Variants in TASOR observed in about 807,000 individuals in gnomAD.
TASOR encodes protein TASOR.
TASOR carries 53 observed loss-of-function variants against 178.6 expected under a neutral mutation model. The ratio of observed to expected loss-of-function variants is 0.30; its 90% CI spans 0.24 to 0.37. The LOEUF is 0.37. TASOR is among the 10% of genes least tolerant of loss of function. The probability of loss-of-function intolerance (pLI) is 1.00; values close to 1 mark genes in which losing one functional copy is unlikely to be tolerated. For missense variants in TASOR, 1,815 were observed against 1,971.4 expected (o/e 0.92, Z 1.50); for synonymous variants, 713 against 696.2 (o/e 1.02, Z -0.38).
At chr3:56,640,818 CAT>C (rs2077105798) in intron 15 of TASOR, among the ~76,000 whole-genome samples, 1 of 152,184 alleles carries the variant, frequency 6.6e-6, no homozygotes, top group African/African-American at 2.4e-5. Flanking sequence ...GCACTCTGAA[CAT>C]ATATCATAAA....
chr3:56,662,586 A>C, intron 8 of TASOR, 96 bp from the exon 9 acceptor site: 1 of 572,556 alleles, frequency 1.7e-6, no homozygotes, highest in South Asian at 2.6e-5. Context: ...ATATCTAGAA[A>C]CAAGGTTTAA....
At chr3:56,678,925 T>A (rs540219287) in intron 1 of TASOR, among the ~76,000 whole-genome samples, 8 of 148,682 alleles carry the variant, frequency 5.4e-5, no homozygotes, top group African/African-American at 2.0e-4. Flanking sequence ...GGAAGGAGAA[T>A]CCTTTGAACC....
In TASOR at chr3:56,639,996, A is replaced by T. The variant is rs1445234936; in HGVS notation, c.2754T>A (p.Ile918=). The T allele has an allele frequency of 6.2e-7, 1 of 1,604,278 alleles. No homozygotes were observed. The highest frequency in any genetic ancestry group is 1.7e-5 in the Admixed American group (1 of 58,152). The change falls in exon 16 of 24, where the codon ATT becomes ATA. Residue 918 remains isoleucine (I), a synonymous_variant. Transcript: ENST00000683822. ...VEETEIHWKL[I]PITGGNARSP... ...GTATACTTTTCTTACCTGTAATTGG[A>T]ATCAGTTTCCAATGTATTTCAGTCT...
chr3:56,674,492 G>A (rs1217216630), intron 1 of TASOR, among the ~76,000 whole-genome samples: 1 of 152,038 alleles, frequency 6.6e-6, no homozygotes, highest in Non-Finnish European at 1.5e-5. Flanking sequence ...CTGGGAGTGA[G>A]AGAGAGACCC....
chr3:56,665,379 G>C (rs1007210520), intron 7 of TASOR, among the ~76,000 whole-genome samples: 3 of 151,904 alleles, frequency 2.0e-5, no homozygotes, highest in African/African-American at 7.2e-5. Context: ...AAATACAGAC[G>C]AAGTCTTGCT....
At chr3:56,631,829 C>T (rs551133781) in intron 18 of TASOR, among the ~76,000 whole-genome samples, 2 of 152,108 alleles carry the variant, frequency 1.3e-5, no homozygotes, top group South Asian at 4.1e-4. Context: ...GTGATCCACC[C>T]GTCTTGGCCT....
At position 56,620,240 on chromosome 3, in the gene TASOR, A is replaced by T. The variant is rs1352437589; in HGVS notation, c.*2797T>A. On this transcript the variant is annotated 3_prime_UTR_variant, in exon 24 of 24. Transcript: ENST00000683822. ...AGTTATGCTTTAACAAATTCTTAGCAATGTGGCCCACGCTTTTTAAAAAAT... is the reference window on the plus strand; with the variant it reads ...AGTTATGCTTTAACAAATTCTTAGCTATGTGGCCCACGCTTTTTAAAAAAT... 1 of 162,478 alleles carries T rather than the reference A, an allele frequency of 6.2e-6. No individual in the cohort carries two copies. The highest frequency in any genetic ancestry group is 2.4e-5 in the African/African-American group (1 of 41,726). 10.1% of individuals were successfully genotyped at this position (162,478 alleles called of 1,614,324 possible).
At chr3:56,634,030 C>T (rs76966032) in intron 17 of TASOR, 64 bp from the exon 18 acceptor site, 20,712 of 1,327,460 alleles carry the variant, frequency 0.016, 262 homozygotes, top group African/African-American at 0.06. Flanking sequence ...AAACACAAAC[C>T]CTTAAATTGG....
intron 2 of TASOR, among the ~76,000 whole-genome samples, chr3:56,673,158 A>AT (rs1191491817): frequency 2.6e-5 from 4 of 152,184 alleles, no homozygotes; most frequent in African/African-American, 9.7e-5. Context: ...TACACTTAAG[A>AT]TTTTCAGTTA....
At chr3:56,660,149 C>T (rs1045421263) in intron 11 of TASOR, among the ~76,000 whole-genome samples, 6 of 151,972 alleles carry the variant, frequency 3.9e-5, no homozygotes, top group Admixed American at 1.3e-4. Context: ...GCGTGAGCCA[C>T]CAACGCCCGG....
rs2076718441 is a variant in TASOR at position 56,622,907 on chromosome 3, A to G, written c.*130T>C. The stretch of plus-strand genomic sequence containing the variant: ...TCAATTTTTAGATGCTTCAACTGTT[A>G]CAGGCCATCATGATTTAAATAAAAG... On this transcript the variant is annotated 3_prime_UTR_variant, in exon 24 of 24. Transcript: ENST00000683822. 1.9e-6 allele frequency: 1 copy of G among 530,710 alleles called. No homozygotes were observed. The highest frequency in any genetic ancestry group is 3.8e-5 in the Admixed American group (1 of 26,422). 32.9% of individuals were successfully genotyped at this position (530,710 alleles called of 1,614,324 possible).
chr3:56,636,337 A>G (rs1216591475), intron 17 of TASOR, among the ~76,000 whole-genome samples: 1 of 152,062 alleles, frequency 6.6e-6, no homozygotes. Context: ...ATCTTCATCT[A>G]TAAGTGATTG....
chr3:56,641,927 C>T (rs781305821), intron 14 of TASOR, among the ~76,000 whole-genome samples, 175 bp from the exon 15 acceptor site: 22 of 152,198 alleles, frequency 1.4e-4, no homozygotes, highest in Non-Finnish European at 2.6e-4. Context: ...AAATTTTGCA[C>T]ATAGTTCAAA....
rs977602993 is a variant in TASOR at position 56,620,874 on chromosome 3, C to T, written c.*2163G>A. 8 of 152,774 alleles carry T rather than the reference C, an allele frequency of 5.2e-5. No individual in the cohort carries two copies. Among genetic ancestry groups the T allele is most frequent in the African/African-American group, 1.4e-4 (6 of 41,550 alleles). The allele number at this position is 152,774 out of a possible 1,614,324, so 9.5% of individuals were successfully genotyped here. A position where few individuals can be genotyped will look rare whatever the true frequency, so the allele number is the denominator to read the frequency against. The stretch of plus-strand genomic sequence containing the variant: ...TCAAGATAAAATACTGGATGTTGGC[C>T]AGGAGCAGTGGCTCAAGCCTGTAAT... On this transcript the variant is annotated 3_prime_UTR_variant, in exon 24 of 24. Transcript: ENST00000683822.
intron 11 of TASOR, among the ~76,000 whole-genome samples, chr3:56,656,119 A>T (rs2077463001): frequency 6.6e-6 from 1 of 152,246 alleles, no homozygotes; most frequent in Non-Finnish European, 1.5e-5. Context: ...AAAGATGAGA[A>T]GAAAAAAATA....
At chr3:56,637,881 C>T (rs892349832) in intron 17 of TASOR, among the ~76,000 whole-genome samples, 1 of 152,110 alleles carries the variant, frequency 6.6e-6, no homozygotes, top group Non-Finnish European at 1.5e-5. Context: ...CAAAGATTAT[C>T]TCCTAGGTAC....
chr3:56,622,747 T>C lies in TASOR; in HGVS notation c.*290A>G, dbSNP rs1203355881. 1 of 208,562 alleles carries C rather than the reference T, an allele frequency of 4.8e-6. No individual in the cohort carries two copies. The highest frequency in any genetic ancestry group is 9.4e-6 in the Non-Finnish European group (1 of 106,310). The allele number at this position is 208,562 out of a possible 1,614,324, so 12.9% of individuals were successfully genotyped here. ...AAGCCTTTGCTGTTTACCGTCCTCC[T>C]GCAAGCATCTGATTTTACACATAAA... On this transcript the variant is annotated 3_prime_UTR_variant, in exon 24 of 24. Coordinates refer to ENST00000683822, the MANE Select transcript of TASOR (RefSeq NM_001365635.2).
chr3:56,648,153 T>C (rs1246249491), intron 13 of TASOR, among the ~76,000 whole-genome samples: 2 of 150,356 alleles, frequency 1.3e-5, no homozygotes, highest in East Asian at 2.0e-4. Flanking sequence ...CAAGGCTGTA[T>C]GTAGTGAGCC....
chr3:56,643,249 T>A (rs1467596909), intron 14 of TASOR, among the ~76,000 whole-genome samples: 2 of 148,042 alleles, frequency 1.4e-5, no homozygotes, highest in Non-Finnish European at 3.0e-5. Context: ...GAAGACAGAG[T>A]AAGACTCCAT....
Sources: gnomAD v4.1 joint callset for allele counts (sites outside exome capture counted in the v4.1 genomes callset) on GRCh38, gnomAD v4.1.1 for gene constraint, MANE v1.5 for transcripts, NCBI Gene and HGNC (gene_info 2026-07-23, HGNC 2026-07-21) for gene names.